Variants in PCSK2 observed in about 807,000 individuals in gnomAD.
The protein encoded by PCSK2 is proprotein convertase subtilisin/kexin type 2.
Under a neutral mutation model 69.7 loss-of-function variants are expected in PCSK2, and 14 were observed. The observed-to-expected ratio is 0.20, with a 90% confidence interval of 0.13 to 0.31. The LOEUF is 0.31. Ranked by LOEUF, PCSK2 falls within the 10% of genes least tolerant of loss-of-function variation. PCSK2 has a pLI of 1.00. For synonymous variants in PCSK2, 307 were observed against 320.7 expected, an observed-to-expected ratio of 0.96 and a Z score of 0.46; for missense variants, 544 against 842.5, an observed-to-expected ratio of 0.65 and a Z score of 4.39.
chr20:17,309,520 T>G (rs962144524), intron 2 of PCSK2, among the ~76,000 whole-genome samples: 3 of 152,090 alleles, frequency 2.0e-5, no homozygotes, highest in Non-Finnish European at 4.4e-5. Context: ...ACTGGGTAAA[T>G]TATAAAGAAA....
chr20:17,259,707 T>A, intron 1 of PCSK2, among the ~76,000 whole-genome samples: 1 of 152,172 alleles, frequency 6.6e-6, no homozygotes, highest in Non-Finnish European at 1.5e-5. Flanking sequence ...ATCCAACTGG[T>A]ATTTACTAAA....
At chr20:17,303,105 G>T (rs562187124) in intron 2 of PCSK2, among the ~76,000 whole-genome samples, 4 of 149,446 alleles carry the variant, frequency 2.7e-5, no homozygotes, top group Admixed American at 1.3e-4. Context: ...ATGTCAAGTT[G>T]CTTTTTCCTA....
At chr20:17,232,167 GGAA>G (rs1262250444) in intron 1 of PCSK2, among the ~76,000 whole-genome samples, 1 of 152,190 alleles carries the variant, frequency 6.6e-6, no homozygotes, top group Non-Finnish European at 1.5e-5. Flanking sequence ...ACACTCAAAA[GGAA>G]GATGATTACA....
At chr20:17,246,936 T>C (rs1986792897) in intron 1 of PCSK2, among the ~76,000 whole-genome samples, 1 of 152,348 alleles carries the variant, frequency 6.6e-6, no homozygotes, top group Non-Finnish European at 1.5e-5. Context: ...TCTCTCCCTT[T>C]GCTCTGAAGT....
At position 17,481,743 on chromosome 20, in the gene PCSK2, C is replaced by G. The variant is rs1204334609; in HGVS notation, c.1590C>G (p.Gly530=). The G allele has an allele frequency of 6.2e-7, 1 of 1,614,166 alleles. No individual in the cohort carries two copies. Among genetic ancestry groups the G allele is most frequent in the East Asian group, 2.2e-5 (1 of 44,868 alleles). The change falls in exon 12 of 12, where the codon GGC becomes GGG. Residue 530 remains glycine, a synonymous_variant. Transcript: ENST00000262545. The stretch of plus-strand genomic sequence containing the variant: ...ACATCAACATGACTTCCCCTATGGG[C>G]ACCAAGTCCATTTTGCTGAGCCGGC... ...DLNINMTSPM[G]TKSILLSRRP...
At chr20:17,227,855 G>C (rs897831677) in intron 1 of PCSK2, among the ~76,000 whole-genome samples, 1 of 152,166 alleles carries the variant, frequency 6.6e-6, no homozygotes, top group Non-Finnish European at 1.5e-5. Flanking sequence ...TACTTGGCCA[G>C]GGAAGTCTCC....
At chr20:17,331,121 T>C (rs1238080077) in intron 2 of PCSK2, among the ~76,000 whole-genome samples, 1 of 152,134 alleles carries the variant, frequency 6.6e-6, no homozygotes, top group Admixed American at 6.5e-5. Context: ...CCCAAAGAAC[T>C]GACATGGATA....
intron 2 of PCSK2, among the ~76,000 whole-genome samples, chr20:17,262,466 C>G (rs546115508): frequency 9.2e-6 from 1 of 108,600 alleles, no homozygotes; most frequent in African/African-American, 3.4e-5. Flanking sequence ...TTTTTCAAAA[C>G]GAAAAAAAAA....
chr20:17,391,966 A>G (rs377524267), intron 5 of PCSK2, among the ~76,000 whole-genome samples: 22 of 86,264 alleles, frequency 2.6e-4, no homozygotes, highest in African/African-American at 9.0e-4. Context: ...GAAAGAAGGA[A>G]AGGAAGGAAG....
At chr20:17,340,285 C>T (rs1450932087) in intron 2 of PCSK2, among the ~76,000 whole-genome samples, 10 of 72,410 alleles carry the variant, frequency 1.4e-4, no homozygotes, top group Non-Finnish European at 2.9e-4. Context: ...AGAAGTATTC[C>T]CATCCCCCAA....
chr20:17,314,822 A>G (rs1410871376), intron 2 of PCSK2, among the ~76,000 whole-genome samples: 11 of 152,178 alleles, frequency 7.2e-5, no homozygotes, highest in Admixed American at 7.2e-4. Flanking sequence ...TAACATTATC[A>G]GAAGCTTCTT....
intron 5 of PCSK2, among the ~76,000 whole-genome samples, chr20:17,369,854 GCAGCCC>G (rs1429676192): frequency 6.6e-6 from 1 of 152,202 alleles, no homozygotes; most frequent in Non-Finnish European, 1.5e-5. Context: ...GACTCACATT[GCAGCCC>G]CAGCTTTATG....
intron 2 of PCSK2, among the ~76,000 whole-genome samples, chr20:17,356,739 CG>C (rs1213147806): frequency 6.6e-6 from 1 of 152,118 alleles, no homozygotes; most frequent in Non-Finnish European, 1.5e-5. Context: ...TTGAAAGCTC[CG>C]GGGCTGGGTT....
chr20:17,384,466 G>C (rs933738788), intron 5 of PCSK2, among the ~76,000 whole-genome samples: 1 of 150,962 alleles, frequency 6.6e-6, no homozygotes, highest in Non-Finnish European at 1.5e-5. Flanking sequence ...GCCGGGCATG[G>C]TGTCACATAC....
intron 2 of PCSK2, among the ~76,000 whole-genome samples, chr20:17,306,377 G>A (rs111892652): frequency 0.014 from 2,195 of 152,238 alleles, 51 homozygotes; most frequent in African/African-American, 0.05. Context: ...CATACAGACT[G>A]ATGCAGAAAA....
chr20:17,409,219 G>T (rs765219139), intron 5 of PCSK2, 44 bp from the exon 6 acceptor site: 3 of 1,453,454 alleles, frequency 2.1e-6, no homozygotes, highest in Non-Finnish European at 2.9e-6. Flanking sequence ...CCTTTACTGC[G>T]CCTCTGGCTG....
Position 17,453,331 on chromosome 20 carries a change from T to G in PCSK2, c.886-411T>G, listed in dbSNP as rs1350009397. ...ATACTTGCATTTTCACTAAAAAATGTCTGATACATAAAGAGATGTAAGAAT... is the reference window on the plus strand; with the variant it reads ...ATACTTGCATTTTCACTAAAAAATGGCTGATACATAAAGAGATGTAAGAAT... On this transcript the variant is annotated intron_variant, in intron 8 of 11. Transcript: ENST00000262545. This position sits in a 1 kb window ranked among gnomAD's most constrained non-coding sequence, Gnocchi z 4.0. Among the ~76,000 whole-genome samples, 2 of 152,206 alleles carry G rather than the reference T, an allele frequency of 1.3e-5. No homozygotes were observed. The highest frequency in any genetic ancestry group is 4.8e-5 in the African/African-American group (2 of 41,458).
chr20:17,369,161 A>G, intron 4 of PCSK2, 79 bp from the exon 5 acceptor site: 1 of 1,283,262 alleles, frequency 7.8e-7, no homozygotes, highest in Non-Finnish European at 1.1e-6. Flanking sequence ...TAAAGAGGGC[A>G]CTTTCTTGGG....
At chr20:17,250,933 C>G (rs564753837) in intron 1 of PCSK2, among the ~76,000 whole-genome samples, 1 of 152,144 alleles carries the variant, frequency 6.6e-6, no homozygotes, top group African/African-American at 2.4e-5. Flanking sequence ...AACCTGATCT[C>G]TACTAAAAAT....
Sources: allele counts gnomAD v4.1 joint callset (sites outside exome capture counted in the v4.1 genomes callset), GRCh38; gene constraint gnomAD v4.1.1; non-coding constraint Gnocchi (gnomAD v3.1); transcripts MANE v1.5; gene names NCBI Gene and HGNC (gene_info 2026-07-23, HGNC 2026-07-21).